Variants in ATP1B3 observed in about 807,000 individuals in gnomAD.
ATP1B3 encodes sodium/potassium-transporting ATPase subunit beta-3.
A neutral mutation model predicts 30.2 loss-of-function variants in ATP1B3; 10 were observed. That is an observed-to-expected ratio of 0.33 (90% CI 0.20 to 0.56). ATP1B3 has a LOEUF of 0.56. ATP1B3 is among the 20% of genes least tolerant of loss of function. The pLI, the probability that ATP1B3 is intolerant of heterozygous loss-of-function variation, is 0.90. For missense variants in ATP1B3, 238 were observed against 336.7 expected, an observed-to-expected ratio of 0.71 and a Z score of 2.29; for synonymous variants, 113 against 117.0, an observed-to-expected ratio of 0.97 and a Z score of 0.22.
chr3:141,923,653 T>C (rs1934606471), intron 6 of ATP1B3, among the ~76,000 whole-genome samples: 1 of 152,252 alleles, frequency 6.6e-6, no homozygotes, highest in African/African-American at 2.4e-5. Flanking sequence ...ATCCATCAAT[T>C]GTTCCAGTAA....
At chr3:141,890,058 A>T (rs1367363154) in intron 1 of ATP1B3, among the ~76,000 whole-genome samples, 3 of 147,562 alleles carry the variant, frequency 2.0e-5, no homozygotes, top group Admixed American at 1.4e-4. Flanking sequence ...TTTAATTTTT[A>T]AAAAATGCCT....
At chr3:141,891,870 AGATGTTAG>A (rs1933960072) in intron 1 of ATP1B3, among the ~76,000 whole-genome samples, 1 of 147,900 alleles carries the variant, frequency 6.8e-6, no homozygotes, top group Admixed American at 6.7e-5. Context: ...ATTTATTTTG[AGATGTTAG>A]AGAATGTGGC....
chr3:141,878,151 AG>A (rs1577953345), intron 1 of ATP1B3, among the ~76,000 whole-genome samples: 1 of 152,182 alleles, frequency 6.6e-6, no homozygotes, highest in Admixed American at 6.5e-5. Context: ...AATGAGACCC[AG>A]AGAGGTTGTG....
intron 1 of ATP1B3, among the ~76,000 whole-genome samples, chr3:141,878,763 T>A (rs1398506913): frequency 1.3e-5 from 2 of 152,260 alleles, no homozygotes; most frequent in African/African-American, 2.4e-5. Context: ...ATTACTCTTA[T>A]CAGTAAATTT....
intron 1 of ATP1B3, among the ~76,000 whole-genome samples, chr3:141,902,769 T>C (rs546322804): frequency 3.4e-4 from 52 of 152,326 alleles, no homozygotes; most frequent in African/African-American, 1.2e-3. Context: ...TTTCTGACCT[T>C]GTCCTTTTTT....
At chr3:141,890,962 T>C (rs1032498614) in intron 1 of ATP1B3, among the ~76,000 whole-genome samples, 1 of 152,234 alleles carries the variant, frequency 6.6e-6, no homozygotes, top group Non-Finnish European at 1.5e-5. Context: ...TATGGACTCA[T>C]CTTTTTGTTC....
chr3:141,889,728 CAAAA>C (rs1168549266), intron 1 of ATP1B3, among the ~76,000 whole-genome samples: 8,370 of 47,868 alleles, frequency 0.17, 706 homozygotes, highest in Non-Finnish European at 0.22. Context: ...GACTCCGTCT[CAAAA>C]AAAAAAAAAA....
intron 2 of ATP1B3, among the ~76,000 whole-genome samples, chr3:141,906,877 A>G (rs1038454582): frequency 2.0e-5 from 3 of 152,250 alleles, no homozygotes; most frequent in African/African-American, 7.2e-5. Flanking sequence ...GCATATAGAA[A>G]GTTCAAAGTA....
rs747280272 is a variant in ATP1B3 at position 141,926,051 on chromosome 3, A to G, written c.*350A>G. On this transcript the variant is annotated 3_prime_UTR_variant, in exon 7 of 7. Coordinates refer to ENST00000286371, the MANE Select transcript of ATP1B3 (RefSeq NM_001679.4). ...ATGTAAATATTTTATGGATATAACA[A>G]CTGTCATATTTTGATGTCAACAGAG... is the stretch of plus-strand genomic sequence containing the variant. 5.5e-6 allele frequency: 1 copy of G among 182,544 alleles called. No homozygotes were observed. Among genetic ancestry groups the G allele is most frequent in the Non-Finnish European group, 1.1e-5 (1 of 87,960 alleles). 11.3% of individuals were successfully genotyped at this position (182,544 alleles called of 1,614,324 possible).
chr3:141,884,988 C>A (rs569701889), intron 1 of ATP1B3, among the ~76,000 whole-genome samples: 11 of 152,252 alleles, frequency 7.2e-5, no homozygotes, highest in African/African-American at 2.6e-4. Flanking sequence ...TCTGCATATC[C>A]CACAAATCTA....
intron 2 of ATP1B3, among the ~76,000 whole-genome samples, chr3:141,904,418 A>G (rs1006691797): frequency 8.6e-5 from 13 of 151,872 alleles, no homozygotes; most frequent in African/African-American, 3.1e-4. Context: ...GAGCAGTTTT[A>G]CTTTGCCTTG....
intron 2 of ATP1B3, among the ~76,000 whole-genome samples, chr3:141,906,262 C>T (rs774144125): frequency 1.3e-5 from 2 of 152,088 alleles, no homozygotes; most frequent in Non-Finnish European, 1.5e-5. Flanking sequence ...TCACTGCAAC[C>T]TCTGTCTCCC....
rs1933593728 is a variant in ATP1B3 at position 141,876,666 on chromosome 3, A to G, written c.-136A>G. The G allele has an allele frequency of 7.2e-6, 4 of 555,630 alleles. No homozygotes were observed. Among genetic ancestry groups the G allele is most frequent in the Non-Finnish European group, 1.2e-5 (4 of 325,236 alleles). 34.4% of individuals were successfully genotyped at this position (555,630 alleles called of 1,614,324 possible). A position where few individuals can be genotyped will look rare whatever the true frequency, so the allele number is the denominator to read the frequency against. On this transcript the variant is annotated 5_prime_UTR_variant, in exon 1 of 7. Coordinates refer to ENST00000286371, the MANE Select transcript of ATP1B3 (RefSeq NM_001679.4). ...GCAGTCGGCTCGAGTACTCCCCGTA[A>G]CGAGGAGGTGTTCTCGGCCGTCCCA...
chr3:141,876,719 C>A lies in ATP1B3; in HGVS notation c.-83C>A. 1 of 1,072,934 alleles carries A rather than the reference C, an allele frequency of 9.3e-7. No homozygotes were observed. Among genetic ancestry groups the A allele is most frequent in the Non-Finnish European group, 1.4e-6 (1 of 731,402 alleles). The allele number at this position is 1,072,934 out of a possible 1,614,324, so 66.5% of individuals were successfully genotyped here. On this transcript the variant is annotated 5_prime_UTR_variant, in exon 1 of 7. Coordinates refer to ENST00000286371, the MANE Select transcript of ATP1B3 (RefSeq NM_001679.4). ...CTTCACTGCCGTCTCCGGGCTGCGC[C>A]GCCGGAGCCGGGACGCGCCTCCGCA...
intron 1 of ATP1B3, among the ~76,000 whole-genome samples, chr3:141,877,858 A>G (rs1933636712): frequency 7.2e-6 from 1 of 139,632 alleles, no homozygotes; most frequent in South Asian, 2.2e-4. Context: ...CTTTATACTT[A>G]AGTAAACTAA....
chr3:141,896,527 A>T (rs1934069418), intron 1 of ATP1B3, among the ~76,000 whole-genome samples: 1 of 152,126 alleles, frequency 6.6e-6, no homozygotes, highest in Non-Finnish European at 1.5e-5. Context: ...CCTGTCTCTA[A>T]AATAAAATAA....
At chr3:141,901,907 A>G (rs956319496) in intron 1 of ATP1B3, among the ~76,000 whole-genome samples, 1 of 152,272 alleles carries the variant, frequency 6.6e-6, no homozygotes, top group East Asian at 1.9e-4. Flanking sequence ...CAGTCTGCCT[A>G]TTTTTATAAG....
At position 141,925,717 on chromosome 3, in the gene ATP1B3, T is replaced by A; in HGVS notation, c.*16T>A. The A allele has an allele frequency of 6.2e-7, 1 of 1,603,464 alleles. No individual in the cohort carries two copies. Among genetic ancestry groups the A allele is most frequent in the Non-Finnish European group, 8.5e-7 (1 of 1,175,886 alleles). On this transcript the variant is annotated 3_prime_UTR_variant, in exon 7 of 7. Coordinates refer to ENST00000286371, the MANE Select transcript of ATP1B3 (RefSeq NM_001679.4). Reference sequence around the variant, plus strand: ...ACGTGCATAGTATGAGTAGGATATCTCCACAGAGTAAATGTTGTGTTGTCT... The same window carrying A: ...ACGTGCATAGTATGAGTAGGATATCACCACAGAGTAAATGTTGTGTTGTCT...
At chr3:141,878,437 A>G (rs553472393) in intron 1 of ATP1B3, among the ~76,000 whole-genome samples, 1 of 152,312 alleles carries the variant, frequency 6.6e-6, no homozygotes, top group Non-Finnish European at 1.5e-5. Context: ...TTTGCTGAAG[A>G]AATTTTTGAG....
Sources: allele counts gnomAD v4.1 joint callset (sites outside exome capture counted in the v4.1 genomes callset), GRCh38; gene constraint gnomAD v4.1.1; transcripts MANE v1.5; gene names NCBI Gene and HGNC (gene_info 2026-07-23, HGNC 2026-07-21).